DTWD1: variants seen among roughly 807,000 people sequenced by gnomAD.
DTWD1 encodes the protein DTW motif tRNA-uridine aminocarboxypropyltransferase 1.
In DTWD1, 27 loss-of-function variants were observed where a neutral mutation model predicts 30.2. The ratio of observed to expected loss-of-function variants is 0.90; its 90% CI spans 0.66 to 1.23. DTWD1 has a LOEUF of 1.23. Among genes scored for constraint, DTWD1 ranks in the 50% most tolerant of loss-of-function variants. The pLI, the probability that DTWD1 is intolerant of heterozygous loss-of-function variation, is 0.00. For synonymous variants in DTWD1, 99 were observed against 113.1 expected (o/e 0.88, Z 0.79); for missense variants, 342 against 348.8 (o/e 0.98, Z 0.15).
intron 2 of DTWD1, among the ~76,000 whole-genome samples, chr15:49,628,280 G>C (rs952110660): frequency 6.6e-6 from 1 of 152,134 alleles, no homozygotes; most frequent in Non-Finnish European, 1.5e-5. Flanking sequence ...TTAAGGACCT[G>C]CCTGAGGCTA....
In DTWD1 at chr15:49,634,517, C is replaced by A. The variant is rs1388260215; in HGVS notation, c.409-19C>A. On this transcript the variant is annotated intron_variant, in intron 3 of 4. Coordinates refer to ENST00000403028, the MANE Select transcript of DTWD1 (RefSeq NM_001144955.2). ...AAGATCATAGTAGCACACTGCTAAC[C>A]CAATTTTCTTTGTTTTAGGTTGCAC... 4.4e-6 allele frequency: 7 copies of A among 1,584,760 alleles called. No homozygotes were observed. Among genetic ancestry groups the A allele is most frequent in the Non-Finnish European group, 6.0e-6 (7 of 1,168,704 alleles).
intron 2 of DTWD1, among the ~76,000 whole-genome samples, chr15:49,627,452 T>C (rs1024423364): frequency 1.3e-5 from 2 of 152,198 alleles, no homozygotes; most frequent in African/African-American, 4.8e-5. Context: ...AATGCATTCA[T>C]AAATATAGTC....
chr15:49,651,857 CTAA>C lies in DTWD1; in HGVS notation c.*8285_*8287del, dbSNP rs978491037. The stretch of plus-strand genomic sequence containing the variant: ...AGTGGACCCATATCCACAGGATCCA[CTAA>C]TAATATCACTTTTTTCACCACTTGG... On this transcript the variant is annotated 3_prime_UTR_variant, in exon 5 of 5. Transcript: ENST00000403028. 1.3e-5 allele frequency: 2 copies of C among 152,044 alleles called. No individual in the cohort carries two copies. Among genetic ancestry groups the C allele is most frequent in the Non-Finnish European group, 2.9e-5 (2 of 68,002 alleles). The allele number at this position is 152,044 out of a possible 1,614,324, so 9.4% of individuals were successfully genotyped here.
chr15:49,631,169 G>T, intron 2 of DTWD1: 1 of 165,406 alleles, frequency 6.0e-6, no homozygotes, highest in Non-Finnish European at 1.3e-5. Flanking sequence ...CCCAAACCCT[G>T]GTCTGTGGAA....
chr15:49,632,892 T>C (rs1260878757), intron 3 of DTWD1, among the ~76,000 whole-genome samples: 2 of 152,130 alleles, frequency 1.3e-5, no homozygotes, highest in East Asian at 3.9e-4. Flanking sequence ...CTCAAAAAAT[T>C]AAGGCCTTGG....
rs2078823830 is a variant in DTWD1 at position 49,625,154 on chromosome 15, G to T, written c.-14G>T. On this transcript the variant is annotated 5_prime_UTR_variant, in exon 2 of 5. Transcript: ENST00000403028. ...GTTTTAGAAATAGCCGTTAAACTTT[G>T]GTTTGAATGAAGAATGTCTCTCAAT... is the stretch of plus-strand genomic sequence containing the variant. 1 of 1,609,266 alleles carries T rather than the reference G, an allele frequency of 6.2e-7. No homozygotes were observed. The highest frequency in any genetic ancestry group is 1.3e-5 in the African/African-American group (1 of 74,610).
chr15:49,624,801 A>G (rs2078817664), intron 1 of DTWD1, among the ~76,000 whole-genome samples: 1 of 152,222 alleles, frequency 6.6e-6, no homozygotes, highest in South Asian at 2.1e-4. Flanking sequence ...ACAGGGTTGA[A>G]TATATCCCTG....
At chr15:49,629,553 T>G (rs2078890732) in intron 2 of DTWD1, 1 of 152,204 alleles carries the variant, frequency 6.6e-6, no homozygotes, top group Non-Finnish European at 1.5e-5. Flanking sequence ...CTGCTTTTTT[T>G]TCTTTTCTTA....
chr15:49,640,188 T>A (rs1177232200), intron 4 of DTWD1, among the ~76,000 whole-genome samples: 2 of 152,138 alleles, frequency 1.3e-5, no homozygotes, highest in Non-Finnish European at 2.9e-5. Context: ...TATGATTTAG[T>A]TTTGCTTTAT....
chr15:49,634,811 T>G lies in DTWD1; in HGVS notation c.667+17T>G, dbSNP rs2078980030. 6.5e-7 allele frequency: 1 copy of G among 1,549,934 alleles called. No homozygotes were observed. Among genetic ancestry groups the G allele is most frequent in the Non-Finnish European group, 8.7e-7 (1 of 1,155,082 alleles). On this transcript the variant is annotated intron_variant, in intron 4 of 4. Transcript: ENST00000403028. ...GACTTCAAGGTAAAAAAAAAATGTT[T>G]TTTTGGACTGCTCCTCCCTCAGACT...
intron 3 of DTWD1, among the ~76,000 whole-genome samples, chr15:49,633,202 G>A (rs2078954867): frequency 1.3e-5 from 2 of 151,600 alleles, no homozygotes; most frequent in African/African-American, 4.8e-5. Context: ...GTAGTGCTAT[G>A]TTCTGTAAGG....
At position 49,650,889 on chromosome 15, in the gene DTWD1, C is replaced by T. The variant is rs552863886; in HGVS notation, c.*7311C>T. 1 of 152,128 alleles carries T rather than the reference C, an allele frequency of 6.6e-6. No individual in the cohort carries two copies. The highest frequency in any genetic ancestry group is 6.6e-5 in the Admixed American group (1 of 15,262). The allele number at this position is 152,128 out of a possible 1,614,324, so 9.4% of individuals were successfully genotyped here. Reference sequence around the variant, plus strand: ...CATCTCAGCATTCCTCTTTAGAGGACTCGACCTGTGGTAATTGTTAGTAGG... The same window carrying T: ...CATCTCAGCATTCCTCTTTAGAGGATTCGACCTGTGGTAATTGTTAGTAGG... On this transcript the variant is annotated 3_prime_UTR_variant, in exon 5 of 5. Coordinates refer to ENST00000403028, the MANE Select transcript of DTWD1 (RefSeq NM_001144955.2).
intron 3 of DTWD1, among the ~76,000 whole-genome samples, chr15:49,634,122 G>A (rs2078968829): frequency 6.6e-6 from 1 of 152,130 alleles, no homozygotes; most frequent in Non-Finnish European, 1.5e-5. Flanking sequence ...TTCCTCACCA[G>A]CATTCACTGT....
chr15:49,628,438 G>A (rs1458525298), intron 2 of DTWD1, among the ~76,000 whole-genome samples: 1 of 152,104 alleles, frequency 6.6e-6, no homozygotes, highest in East Asian at 1.9e-4. Flanking sequence ...TTATATGACT[G>A]GCAGTGCAGT....
rs552863886 is a variant in DTWD1, at chr15:49,650,889, C to A, written c.*7311C>A. 1 of 152,128 alleles carries A rather than the reference C, an allele frequency of 6.6e-6. No individual in the cohort carries two copies. The highest frequency in any genetic ancestry group is 2.4e-5 in the African/African-American group (1 of 41,430). 9.4% of individuals were successfully genotyped at this position (152,128 alleles called of 1,614,324 possible). ...CATCTCAGCATTCCTCTTTAGAGGA[C>A]TCGACCTGTGGTAATTGTTAGTAGG... On this transcript the variant is annotated 3_prime_UTR_variant, in exon 5 of 5. Coordinates refer to ENST00000403028, the MANE Select transcript of DTWD1 (RefSeq NM_001144955.2).
chr15:49,621,708 C>T (rs545627135), intron 1 of DTWD1, among the ~76,000 whole-genome samples: 18 of 152,226 alleles, frequency 1.2e-4, no homozygotes, highest in African/African-American at 4.3e-4. Context: ...TAGATCGCAG[C>T]ATGTAAGGAC....
chr15:49,644,609 T>G lies in DTWD1; in HGVS notation c.*1031T>G, dbSNP rs1373163039. 1.3e-5 allele frequency: 2 copies of G among 152,190 alleles called. 1 individual carries two copies. The highest frequency in any genetic ancestry group is 4.1e-4 in the South Asian group (2 of 4,828). 9.4% of individuals were successfully genotyped at this position (152,190 alleles called of 1,614,324 possible). A position where few individuals can be genotyped will look rare whatever the true frequency, so the allele number is the denominator to read the frequency against. On this transcript the variant is annotated 3_prime_UTR_variant, in exon 5 of 5. Transcript: ENST00000403028. Reference sequence around the variant, plus strand: ...AGAAGTTGAGAGGAAAATGAAATGATGTTATTTATTTCCCTGGCTCCTTTC... The same window carrying G: ...AGAAGTTGAGAGGAAAATGAAATGAGGTTATTTATTTCCCTGGCTCCTTTC...
rs1392173041 is a variant in DTWD1, at chr15:49,632,293, G to A, written c.399G>A (p.Lys133=). The part of the protein sequence containing the change: ...TYPCIPEYEE[K]DHEVALIFPG... ...CGTGTATTCCAGAATATGAAGAAAA[G>A]GACCATGAAGTAGGCAACTTAGTTT... The change falls in exon 3 of 5, where the codon AAG becomes AAA. Residue 133 remains lysine, a synonymous_variant. Transcript: ENST00000403028. 2 of 1,576,618 alleles carry A rather than the reference G, an allele frequency of 1.3e-6. No individual in the cohort carries two copies. The highest frequency in any genetic ancestry group is 1.7e-6 in the Non-Finnish European group (2 of 1,171,032).
In DTWD1 at chr15:49,625,352, G is replaced by C. The variant is rs767508982; in HGVS notation, c.185G>C (p.Gly62Ala). The part of the protein sequence containing the change: ...QSGRSKCLKC[G>A]GSRMFYCYTC... ...GGGAGATCAAAATGTCTCAAATGTGGTGGTTCCAGAATGTTCTACTGCTAT... is the reference window on the plus strand; with the variant it reads ...GGGAGATCAAAATGTCTCAAATGTGCTGGTTCCAGAATGTTCTACTGCTAT... The change falls in exon 2 of 5, where the codon GGT becomes GCT. Residue 62 changes from glycine to alanine, a missense_variant. Physicochemically the swap from Gly to Ala is moderately conservative, Grantham distance 60. Coordinates refer to ENST00000403028, the MANE Select transcript of DTWD1 (RefSeq NM_001144955.2). 6.2e-7 allele frequency: 1 copy of C among 1,613,684 alleles called. No homozygotes were observed. The highest frequency in any genetic ancestry group is 1.1e-5 in the South Asian group (1 of 91,054).
Sources: allele counts gnomAD v4.1 joint callset (sites outside exome capture counted in the v4.1 genomes callset), GRCh38; gene constraint gnomAD v4.1.1; transcripts MANE v1.5; gene names NCBI Gene and HGNC (gene_info 2026-07-23, HGNC 2026-07-21).